The following STAP2 variants were observed in gnomAD, a reference collection of about 807,000 sequenced individuals.
STAP2 encodes signal-transducing adaptor protein 2.
Under a neutral mutation model 52.7 loss-of-function variants are expected in STAP2, and 58 were observed. The ratio of observed to expected loss-of-function variants is 1.10; its 90% CI spans 0.89 to 1.37. STAP2 has a LOEUF of 1.37. Ranked by LOEUF, STAP2 falls within the 40% of genes most tolerant of loss-of-function variation. The pLI, the probability that STAP2 is intolerant of heterozygous loss-of-function variation, is 0.00. For missense variants in STAP2, 522 were observed against 519.4 expected, an observed-to-expected ratio of 1.00 and a Z score of -0.05; for synonymous variants, 231 against 210.5, an observed-to-expected ratio of 1.10 and a Z score of -0.84.
intron 7 of STAP2, 22 bp from the exon 8 acceptor site, chr19:4,327,248 G>C: frequency 6.2e-7 from 1 of 1,613,912 alleles, no homozygotes; most frequent in South Asian, 1.1e-5. Flanking sequence ...TGGGGGAGCG[G>C]TCAGGCTGCT....
intron 11 of STAP2, chr19:4,324,736 G>A: frequency 1.9e-6 from 1 of 538,100 alleles, no homozygotes. Context: ...GGAGGCTGAG[G>A]CAGGAGAATC....
chr19:4,335,761 A>T (rs1971971826), intron 1 of STAP2, among the ~76,000 whole-genome samples: 1 of 152,180 alleles, frequency 6.6e-6, no homozygotes, highest in South Asian at 2.1e-4. Flanking sequence ...TAAAATGGTG[A>T]TAATAATGGT....
intron 4 of STAP2, among the ~76,000 whole-genome samples, chr19:4,330,389 G>T (rs1325804457): frequency 2.0e-5 from 3 of 151,920 alleles, no homozygotes. Context: ...GGGCGTGGTG[G>T]CAGACACCTG....
intron 4 of STAP2, among the ~76,000 whole-genome samples, chr19:4,331,348 T>C (rs1411399049): frequency 6.6e-6 from 1 of 150,836 alleles, no homozygotes. Context: ...AAATAAGAAA[T>C]ACGGTTGGTC....
chr19:4,334,045 C>T lies in STAP2; in HGVS notation c.103-1G>A. 6.2e-7 allele frequency: 1 copy of T among 1,609,490 alleles called. No homozygotes were observed. The highest frequency in any genetic ancestry group is 1.3e-5 in the African/African-American group (1 of 74,732). On this transcript the variant is annotated splice_acceptor_variant, in intron 1 of 12. Coordinates refer to ENST00000594605, the MANE Select transcript of STAP2 (RefSeq NM_001013841.2). LOFTEE classifies it high-confidence loss of function. ...GGCCTGCCCAGAACTTCTTGTAATC[C>T]TAGGGACCAGAAGTGCAGAAAGAAG...
At chr19:4,336,823 C>T (rs745723605) in intron 1 of STAP2, among the ~76,000 whole-genome samples, 7 of 150,242 alleles carry the variant, frequency 4.7e-5, no homozygotes, top group Non-Finnish European at 1.0e-4. Context: ...TTAGTAGAGA[C>T]GAGGTTTCAC....
chr19:4,333,862 C>T (rs1280421597), intron 2 of STAP2, 46 bp from the exon 3 acceptor site: 2 of 1,613,186 alleles, frequency 1.2e-6, no homozygotes, highest in African/African-American at 1.3e-5. Flanking sequence ...TCCTTGGCCT[C>T]CAGGCCCCCT....
At chr19:4,324,349 C>T in intron 12 of STAP2, 106 bp downstream of exon 12, 1 of 1,310,042 alleles carries the variant, frequency 7.6e-7, no homozygotes, top group South Asian at 1.4e-5. Flanking sequence ...AAGACAGAGA[C>T]AGCAGAACCT....
chr19:4,326,520 G>A (rs76161569), intron 9 of STAP2, among the ~76,000 whole-genome samples: 1,559 of 152,108 alleles, frequency 0.01, 27 homozygotes, highest in African/African-American at 0.034. Flanking sequence ...ACACCCACCC[G>A]GATTCTCGGT....
chr19:4,325,703 G>C (rs937833761), intron 9 of STAP2, among the ~76,000 whole-genome samples, 158 bp from the exon 10 acceptor site: 1 of 152,202 alleles, frequency 6.6e-6, no homozygotes, highest in Admixed American at 6.5e-5. Context: ...GGGCGCGGTG[G>C]CTCACGCCTG....
chr19:4,325,352 G>C (rs1033379587), intron 10 of STAP2, 44 bp from the exon 11 acceptor site: 1 of 1,614,054 alleles, frequency 6.2e-7, no homozygotes. Context: ...CTGTTAACCT[G>C]TTTCCCCAAC....
intron 6 of STAP2, among the ~76,000 whole-genome samples, chr19:4,327,969 T>A (rs567351517): frequency 6.6e-5 from 10 of 151,706 alleles, no homozygotes; most frequent in African/African-American, 2.4e-4. Context: ...ATCCTGACGC[T>A]GCCCAAAGAG....
At chr19:4,327,411 G>A in intron 6 of STAP2, 26 bp from the exon 7 acceptor site, 1 of 1,613,554 alleles carries the variant, frequency 6.2e-7, no homozygotes, top group Non-Finnish European at 8.5e-7. Flanking sequence ...GCGAGTGAGT[G>A]GCTCAGCCCA....
At chr19:4,335,111 CCATCCATA>C (rs1486378842) in intron 1 of STAP2, among the ~76,000 whole-genome samples, 1 of 150,928 alleles carries the variant, frequency 6.6e-6, no homozygotes, top group African/African-American at 2.4e-5. Flanking sequence ...ATCCATCCAT[CCATCCATA>C]CATCCATCCA....
At chr19:4,336,914 C>T (rs1175394638) in intron 1 of STAP2, among the ~76,000 whole-genome samples, 4 of 151,926 alleles carry the variant, frequency 2.6e-5, no homozygotes, top group East Asian at 2.0e-4. Flanking sequence ...GGATTACAGG[C>T]GTGAGCCACA....
chr19:4,336,826 G>C (rs1971987822), intron 1 of STAP2, among the ~76,000 whole-genome samples: 1 of 151,292 alleles, frequency 6.6e-6, no homozygotes, highest in Non-Finnish European at 1.5e-5. Context: ...GTAGAGACGA[G>C]GTTTCACCAT....
At chr19:4,335,137 A>G (rs1296399108) in intron 1 of STAP2, among the ~76,000 whole-genome samples, 2 of 143,426 alleles carry the variant, frequency 1.4e-5, no homozygotes, top group Non-Finnish European at 3.0e-5. Flanking sequence ...CCACTCATCT[A>G]TCAATGCATC....
At chr19:4,327,721 A>G (rs1195968551) in intron 6 of STAP2, among the ~76,000 whole-genome samples, 3 of 151,380 alleles carry the variant, frequency 2.0e-5, no homozygotes, top group African/African-American at 7.3e-5. Context: ...GTCCGCCCCT[A>G]ATTCTGGCAC....
chr19:4,338,468 G>A (rs750501570), intron 1 of STAP2, among the ~76,000 whole-genome samples, 184 bp downstream of exon 1: 5 of 152,142 alleles, frequency 3.3e-5, no homozygotes, highest in African/African-American at 7.2e-5. Flanking sequence ...AAAGACACAC[G>A]GAGACAGAGA....
Sources: allele counts gnomAD v4.1 joint callset (sites outside exome capture counted in the v4.1 genomes callset), GRCh38; gene constraint gnomAD v4.1.1; transcripts MANE v1.5; gene names NCBI Gene and HGNC (gene_info 2026-07-23, HGNC 2026-07-21).